The following RAB2B variants were observed in gnomAD, a reference collection of about 807,000 sequenced individuals.
RAB2B encodes the protein RAB2B, member RAS oncogene family, also known as ras-related protein Rab-2B.
A neutral mutation model predicts 29.8 loss-of-function variants in RAB2B; 20 were observed. The ratio of observed to expected loss-of-function variants is 0.67; its 90% CI spans 0.47 to 0.97. The LOEUF is 0.97. RAB2B is among the 50% of genes least tolerant of loss of function. The pLI is 0.00. For missense variants in RAB2B, 218 were observed against 272.0 expected (o/e 0.80, Z 1.40); for synonymous variants, 93 against 91.7 (o/e 1.01, Z -0.08).
At chr14:21,476,452 GGCT>G in intron 2 of RAB2B, 73 bp downstream of exon 2, 1 of 1,553,232 alleles carries the variant, frequency 6.4e-7, no homozygotes, top group South Asian at 1.1e-5. Context: ...GAACACTGAA[GGCT>G]GCTAACTTTC....
intron 3 of RAB2B, among the ~76,000 whole-genome samples, chr14:21,470,164 A>G (rs1890775728): frequency 6.6e-6 from 1 of 152,004 alleles, no homozygotes; most frequent in Non-Finnish European, 1.5e-5. Context: ...TATGTTGGCT[A>G]GGCTGGTCTT....
In RAB2B at chr14:21,474,949, CGAGA is replaced by C. The variant is rs1566474362; in HGVS notation, c.119-19_119-16del. 6 of 1,612,034 alleles carry C rather than the reference CGAGA, an allele frequency of 3.7e-6. No individual in the cohort carries two copies. The highest frequency in any genetic ancestry group is 5.1e-6 in the Non-Finnish European group (6 of 1,178,360). On this transcript the variant is annotated splice_polypyrimidine_tract_variant and intron_variant, in intron 2 of 7. Transcript: ENST00000397762. Reference sequence around the variant, plus strand: ...AAACTCCACACCTGTCGGTAAAGACCGAGAGAAAGAATGTGATTCTCACGAACAG... The same window carrying C: ...AAACTCCACACCTGTCGGTAAAGACCGAAAGAATGTGATTCTCACGAACAG...
At position 21,476,816 on chromosome 14, in the gene RAB2B, C is replaced by G. The variant is rs377130478; in HGVS notation, c.46+11G>C. ...CGCCCGAGCCTTGAAGGCGAACCAC[C>G]TGAGGGTTACCTGTGTCTCCGATGA... On this transcript the variant is annotated intron_variant, in intron 1 of 7. Transcript: ENST00000397762. 86 of 1,613,358 alleles carry G rather than the reference C, an allele frequency of 5.3e-5. No homozygotes were observed. Among genetic ancestry groups the G allele is most frequent in the Non-Finnish European group, 6.9e-5 (82 of 1,179,944 alleles).
At position 21,476,816 on chromosome 14, in the gene RAB2B, C is replaced by T. The variant is rs377130478; in HGVS notation, c.46+11G>A. 1.2e-6 allele frequency: 2 copies of T among 1,613,474 alleles called. No individual in the cohort carries two copies. The highest frequency in any genetic ancestry group is 1.7e-6 in the Non-Finnish European group (2 of 1,179,936). Reference sequence around the variant, plus strand: ...CGCCCGAGCCTTGAAGGCGAACCACCTGAGGGTTACCTGTGTCTCCGATGA... The same window carrying T: ...CGCCCGAGCCTTGAAGGCGAACCACTTGAGGGTTACCTGTGTCTCCGATGA... On this transcript the variant is annotated intron_variant, in intron 1 of 7. Transcript: ENST00000397762.
chr14:21,468,369 A>G lies in RAB2B; in HGVS notation c.350T>C (p.Ile117Thr). ...GATACAATTTTACCTCTTATTCCCA[A>G]TGAGCATGATAACCATGTTGGAACT... Reference protein sequence around the residue: ...HSSSNMVIMLIGNKSDLESRR... With the variant: ...HSSSNMVIMLTGNKSDLESRR... Residue 117 changes from isoleucine to threonine, a missense_variant, in exon 5 of 8, where the codon ATT becomes ACT. By Grantham distance (89) the Ile-to-Thr change is moderately conservative (BLOSUM62 -1). Transcript: ENST00000397762. 6.2e-7 allele frequency: 1 copy of G among 1,613,222 alleles called. No homozygotes were observed. The highest frequency in any genetic ancestry group is 8.5e-7 in the Non-Finnish European group (1 of 1,179,264).
At chr14:21,471,758 C>T (rs1409338701) in intron 3 of RAB2B, among the ~76,000 whole-genome samples, 1 of 151,476 alleles carries the variant, frequency 6.6e-6, no homozygotes, top group African/African-American at 2.4e-5. Flanking sequence ...TCACTGCAAC[C>T]TCCGCCTCCC....
chr14:21,476,703 C>T, intron 1 of RAB2B, 104 bp from the exon 2 acceptor site: 2 of 1,573,324 alleles, frequency 1.3e-6, no homozygotes, highest in Non-Finnish European at 1.7e-6. Context: ...CCGCCCCCGG[C>T]CGCCCCGAAC....
chr14:21,466,373 G>A (rs890179530), intron 5 of RAB2B, among the ~76,000 whole-genome samples: 2 of 152,198 alleles, frequency 1.3e-5, no homozygotes, highest in Non-Finnish European at 2.9e-5. Flanking sequence ...TGTAATCCCA[G>A]CTACTCGGGA....
In RAB2B at chr14:21,476,622, G is replaced by C. The variant is rs200880294; in HGVS notation, c.47-23C>G. 2.5e-6 allele frequency: 4 copies of C among 1,613,598 alleles called. No individual in the cohort carries two copies. In the South Asian group the frequency reaches 4.4e-5, roughly 18 times the overall value. On this transcript the variant is annotated intron_variant, in intron 1 of 7. Coordinates refer to ENST00000397762, the MANE Select transcript of RAB2B (RefSeq NM_032846.4). The stretch of plus-strand genomic sequence containing the variant: ...CACCTGAAAGAGAAAGCACACTCCC[G>C]GAATCACGCAGCCCTGGAACACCTT...
chr14:21,476,253 T>A (rs972907916), intron 2 of RAB2B: 34 of 382,010 alleles, frequency 8.9e-5, no homozygotes, highest in African/African-American at 6.5e-4. Context: ...TTTCGTGGGA[T>A]TTTCCATAAA....
Position 21,474,890 on chromosome 14 carries a change from T to C in RAB2B, c.163A>G (p.Ile55Val), listed in dbSNP as rs1890909991. 6.2e-7 allele frequency: 1 copy of C among 1,614,054 alleles called. No homozygotes were observed. The highest frequency in any genetic ancestry group is 8.5e-7 in the Non-Finnish European group (1 of 1,179,918). ...ARMVNIDGKQ[I>V]KLQIWDTAGQ... ...ACCGTATCCCAGATTTGCAGTTTGA[T>C]TTGTTTTCCATCAATGTTGACCATA... The change falls in exon 3 of 8, where the codon ATC becomes GTC. Residue 55 changes from isoleucine (I) to valine (V), a missense_variant. Ile to Val is a conservative substitution (Grantham distance 29). Transcript: ENST00000397762.
rs1388809712 is a variant in RAB2B, at chr14:21,468,394, T to A, written c.325A>T (p.Ser109Cys). The part of the protein sequence containing the change: ...SWLEDARQHS[S>C]SNMVIMLIGN... ...ATGAGCATGATAACCATGTTGGAACTAGAGTGCTGCCGGGCATCCTCTAAC... is the reference window on the plus strand; with the variant it reads ...ATGAGCATGATAACCATGTTGGAACAAGAGTGCTGCCGGGCATCCTCTAAC... The change falls in exon 5 of 8, where the codon AGT (serine) becomes TGT (cysteine). Residue 109 changes from serine to cysteine, a missense_variant. Ser to Cys is a moderately radical substitution (Grantham distance 112). Coordinates refer to ENST00000397762, the MANE Select transcript of RAB2B (RefSeq NM_032846.4). The A allele has an allele frequency of 1.2e-6, 2 of 1,613,958 alleles. No homozygotes were observed.
chr14:21,468,672 T>G lies in RAB2B; in HGVS notation c.267A>C (p.Thr89=). Residue 89 remains threonine, a splice_region_variant and synonymous_variant, in exon 4 of 8, where the codon ACA becomes ACC. Transcript: ENST00000397762. ...CCCATGCACCAGATCTGGCTCACCTTGTAATGTCGTACACCAGCAGTGCTC... is the reference window on the plus strand; with the variant it reads ...CCCATGCACCAGATCTGGCTCACCTGGTAATGTCGTACACCAGCAGTGCTC... The part of the protein sequence containing the change: ...AAGALLVYDI[T]RRETFNHLTS... The G allele has an allele frequency of 6.4e-7, 1 of 1,561,740 alleles. No homozygotes were observed. The highest frequency in any genetic ancestry group is 8.6e-7 in the Non-Finnish European group (1 of 1,158,726).
chr14:21,476,663 C>T (rs1182318243), intron 1 of RAB2B, 64 bp from the exon 2 acceptor site: 2 of 1,613,442 alleles, frequency 1.2e-6, no homozygotes, highest in Non-Finnish European at 1.7e-6. Flanking sequence ...GTATGGACTT[C>T]CCGGACCAGA....
intron 3 of RAB2B, 74 bp from the exon 4 acceptor site, chr14:21,468,826 C>T (rs1235389144): frequency 8.9e-6 from 8 of 895,154 alleles, no homozygotes; most frequent in Non-Finnish European, 1.1e-5. Flanking sequence ...TGATCACATG[C>T]CACCCTAATA....
Position 21,466,489 on chromosome 14 carries a change from T to G in RAB2B, c.362+1868A>C, listed in dbSNP as rs755209633. Among the ~76,000 whole-genome samples the G allele has an allele frequency of 6.4e-4, 98 of 152,098 alleles. 1 individual carries two copies. Among genetic ancestry groups the G allele is most frequent in the Middle Eastern group, 6.8e-3 (2 of 294 alleles). ...GTGACAAGAGTGAAACTCCATCTCA[T>G]AACAAACAAATGAAAACAAACAAAC... On this transcript the variant is annotated intron_variant, in intron 5 of 7. Coordinates refer to ENST00000397762, the MANE Select transcript of RAB2B (RefSeq NM_032846.4).
At chr14:21,472,554 T>C (rs1215728784) in intron 3 of RAB2B, among the ~76,000 whole-genome samples, 4 of 152,148 alleles carry the variant, frequency 2.6e-5, no homozygotes, top group Non-Finnish European at 4.4e-5. Context: ...TATGAATCTT[T>C]TAAAATTTTC....
At chr14:21,461,575 CT>C (rs952790875) in intron 7 of RAB2B, among the ~76,000 whole-genome samples, 25 of 151,632 alleles carry the variant, frequency 1.6e-4, no homozygotes, top group African/African-American at 4.8e-4. Flanking sequence ...CTTTTGTGCA[CT>C]TTTTTTTTCC....
At chr14:21,462,711 A>G (rs763452162) in intron 6 of RAB2B, among the ~76,000 whole-genome samples, 8 of 151,858 alleles carry the variant, frequency 5.3e-5, no homozygotes, top group Admixed American at 2.6e-4. Flanking sequence ...GTGGTGGCGC[A>G]TGCCTGTAAT....
Sources: gnomAD v4.1 joint callset for allele counts (sites outside exome capture counted in the v4.1 genomes callset) on GRCh38, gnomAD v4.1.1 for gene constraint, MANE v1.5 for transcripts, NCBI Gene and HGNC (gene_info 2026-07-23, HGNC 2026-07-21) for gene names.